Variants in RYR2 observed in about 807,000 individuals in gnomAD.
RYR2 encodes ryanodine receptor 2.
A neutral mutation model predicts 601.1 loss-of-function variants in RYR2; 227 were observed. The ratio of observed to expected loss-of-function variants is 0.38; its 90% CI spans 0.34 to 0.42. The LOEUF (loss-of-function observed/expected upper bound fraction) is 0.42. RYR2 is among the 10% of genes least tolerant of loss of function. The pLI is 1.00. For missense variants in RYR2, 4,646 were observed against 6,156.5 expected (o/e 0.75, Z 8.21); for synonymous variants, 2,223 against 2,175.1 (o/e 1.02, Z -0.61).
At chr1:237,512,274 C>T (rs533418701) in intron 24 of RYR2, among the ~76,000 whole-genome samples, 3 of 152,248 alleles carry the variant, frequency 2.0e-5, no homozygotes, top group South Asian at 4.1e-4. Context: ...TTTGAAAATT[C>T]AGTTTTCTCT....
chr1:237,770,947 T>C, intron 85 of RYR2, 60 bp downstream of exon 85: 2 of 1,029,710 alleles, frequency 1.9e-6, no homozygotes, highest in Non-Finnish European at 2.9e-6. Flanking sequence ...TTCAAGCCAG[T>C]AATAACAAGA....
At position 237,830,577 on chromosome 1, in the gene RYR2, G is replaced by A; in HGVS notation, c.14703G>A (p.Val4901=). Residue 4901 remains valine (V), a synonymous_variant, in exon 103 of 105, where the codon GTG becomes GTA. Coordinates refer to ENST00000366574, the MANE Select transcript of RYR2 (RefSeq NM_001035.3). ...TAGGCAATGATTACTTCGACACAGTGCCACATGGCTTTGAAACCCACACTT... is the reference window on the plus strand; with the variant it reads ...TAGGCAATGATTACTTCGACACAGTACCACATGGCTTTGAAACCCACACTT... ...CGIGNDYFDT[V]PHGFETHTLQ... 1 of 1,612,294 alleles carries A rather than the reference G, an allele frequency of 6.2e-7. No homozygotes were observed. The highest frequency in any genetic ancestry group is 8.5e-7 in the Non-Finnish European group (1 of 1,178,432).
chr1:237,260,131 C>T (rs544870469), intron 1 of RYR2, among the ~76,000 whole-genome samples: 1 of 152,156 alleles, frequency 6.6e-6, no homozygotes, highest in African/African-American at 2.4e-5. Flanking sequence ...GAAAGTACAT[C>T]AAAGAAACAA....
At chr1:237,798,311 C>A in intron 97 of RYR2, 141 bp downstream of exon 97, 1 of 729,550 alleles carries the variant, frequency 1.4e-6, no homozygotes, top group Non-Finnish European at 2.1e-6. Context: ...TATATAAAGT[C>A]TACTTTTACA....
At chr1:237,813,965 G>A (rs1262473460) in intron 100 of RYR2, among the ~76,000 whole-genome samples, 1 of 152,134 alleles carries the variant, frequency 6.6e-6, no homozygotes, top group African/African-American at 2.4e-5. Flanking sequence ...CACAGTGACG[G>A]GCTGCTGCCA....
At chr1:237,527,795 G>A (rs2805444) in intron 24 of RYR2, among the ~76,000 whole-genome samples, 72,499 of 123,710 alleles carry the variant, frequency 0.59, 17,580 homozygotes, top group East Asian at 0.7. Flanking sequence ...GACTGTAAAC[G>A]CTGTCAAGAG....
At chr1:237,560,908 G>A (rs184501146) in intron 27 of RYR2, among the ~76,000 whole-genome samples, 3 of 152,328 alleles carry the variant, frequency 2.0e-5, no homozygotes, top group East Asian at 3.9e-4. Flanking sequence ...TGAGTTAGTG[G>A]TGCCAATCTG....
intron 35 of RYR2, among the ~76,000 whole-genome samples, chr1:237,605,464 T>G (rs1307219304): frequency 1.3e-5 from 2 of 152,156 alleles, no homozygotes; most frequent in East Asian, 3.9e-4. Flanking sequence ...ACAGCCAATA[T>G]CATACTGAAT....
intron 12 of RYR2, among the ~76,000 whole-genome samples, chr1:237,429,504 A>G (rs1455553086): frequency 6.6e-6 from 1 of 152,088 alleles, no homozygotes; most frequent in Non-Finnish European, 1.5e-5. Flanking sequence ...TCACCCAGCT[A>G]AAGTGTCACC....
intron 1 of RYR2, among the ~76,000 whole-genome samples, chr1:237,047,828 A>G (rs1303539771): frequency 6.6e-6 from 1 of 152,006 alleles, no homozygotes; most frequent in Non-Finnish European, 1.5e-5. Context: ...ATTCTGTCCT[A>G]TTTCCTGTTC....
chr1:237,299,698 A>G (rs1693160887), intron 2 of RYR2, among the ~76,000 whole-genome samples: 1 of 152,068 alleles, frequency 6.6e-6, no homozygotes, highest in Non-Finnish European at 1.5e-5. Flanking sequence ...GCTAAGTTTT[A>G]TTGTGGGTTG....
intron 10 of RYR2, among the ~76,000 whole-genome samples, chr1:237,405,488 T>A (rs1329483429): frequency 6.6e-6 from 1 of 152,244 alleles, no homozygotes; most frequent in African/African-American, 2.4e-5. Context: ...TGAACTTCTA[T>A]CCTAAATGTT....
chr1:237,210,701 T>C (rs1028030524), intron 1 of RYR2, among the ~76,000 whole-genome samples: 1 of 152,158 alleles, frequency 6.6e-6, no homozygotes, highest in Non-Finnish European at 1.5e-5. Context: ...GCAAAGAAGC[T>C]CTGATGCTGG....
intron 34 of RYR2, among the ~76,000 whole-genome samples, chr1:237,599,038 T>C (rs936623940): frequency 8.6e-5 from 13 of 152,024 alleles, no homozygotes; most frequent in Non-Finnish European, 1.6e-4. Context: ...CTAGAAGAAA[T>C]GGATAAATTC....
At position 237,590,962 on chromosome 1, in the gene RYR2, C is replaced by T. The variant is rs1312173407; in HGVS notation, c.4130C>T (p.Ala1377Val). ...GAGTTTAACAACCACAAAGATTATG[C>T]CCAGGAAAAGCCCTCTCGTCTGAAA... ...KPEFNNHKDY[A>V]QEKPSRLKQR... The change falls in exon 31 of 105, where the codon GCC (alanine) becomes GTC (valine). Residue 1377 changes from alanine (A) to valine (V), a missense_variant. Ala to Val is a moderately conservative substitution (Grantham distance 64). Transcript: ENST00000366574. 14 of 1,612,942 alleles carry T rather than the reference C, an allele frequency of 8.7e-6. No homozygotes were observed. The highest frequency in any genetic ancestry group is 1.0e-5 in the Non-Finnish European group (12 of 1,179,336).
intron 99 of RYR2, among the ~76,000 whole-genome samples, chr1:237,806,755 TCTTTA>T (rs1167650565): frequency 2.0e-5 from 3 of 152,204 alleles, no homozygotes; most frequent in South Asian, 4.1e-4. Flanking sequence ...ATTCATGTAC[TCTTTA>T]CTTTTAAATT....
At position 237,818,016 on chromosome 1, in the gene RYR2, T is replaced by A. The variant is rs1574076363; in HGVS notation, c.14434-1020T>A. Among the ~76,000 whole-genome samples the A allele has an allele frequency of 7.2e-5, 11 of 152,102 alleles. No individual in the cohort carries two copies. The South Asian group carries it at 2.3e-3, about 32-fold the overall frequency. ...GAGAAGGAGAATGTACGAGCAAAGA[T>A]CTGGAATCAGGAATAGTTCACTTGG... On this transcript the variant is annotated intron_variant, in intron 100 of 104. Transcript: ENST00000366574.
At chr1:237,211,780 G>C (rs947513982) in intron 1 of RYR2, among the ~76,000 whole-genome samples, 27 of 152,176 alleles carry the variant, frequency 1.8e-4, no homozygotes, top group African/African-American at 6.5e-4. Context: ...ATTGTGGTGT[G>C]TAAGGATCGT....
chr1:237,252,360 C>T (rs1687544358), intron 1 of RYR2, among the ~76,000 whole-genome samples: 1 of 152,096 alleles, frequency 6.6e-6, no homozygotes, highest in South Asian at 2.1e-4. Flanking sequence ...AGGCTCACTC[C>T]CAGCTTTATG....
Sources: allele counts gnomAD v4.1 joint callset (sites outside exome capture counted in the v4.1 genomes callset), GRCh38; gene constraint gnomAD v4.1.1; transcripts MANE v1.5; gene names NCBI Gene and HGNC (gene_info 2026-07-23, HGNC 2026-07-21).